The following FBXO36 variants were observed in gnomAD, a reference collection of about 807,000 sequenced individuals.
FBXO36 encodes the protein F-box protein 36.
Under a neutral mutation model 17.0 loss-of-function variants are expected in FBXO36, and 18 were observed. The ratio of observed to expected loss-of-function variants is 1.06; its 90% CI spans 0.73 to 1.57. FBXO36 has a LOEUF of 1.57. Ranked by LOEUF, FBXO36 falls within the 40% of genes most tolerant of loss-of-function variation. FBXO36 has a pLI of 0.00. For synonymous variants in FBXO36, 83 were observed against 85.3 expected (o/e 0.97, Z 0.15); for missense variants, 229 against 221.9 (o/e 1.03, Z -0.20).
intron 1 of FBXO36, among the ~76,000 whole-genome samples, chr2:229,952,633 C>A (rs1025966331): frequency 6.6e-6 from 1 of 152,118 alleles, no homozygotes; most frequent in Non-Finnish European, 1.5e-5. Context: ...TGCCTCGCAT[C>A]CCCAGCAGTT....
chr2:230,001,130 A>C (rs1490266812), intron 3 of FBXO36, among the ~76,000 whole-genome samples: 1 of 152,088 alleles, frequency 6.6e-6, no homozygotes, highest in African/African-American at 2.4e-5. Flanking sequence ...AAGTGTTGAG[A>C]TTACAGGCGT....
intron 2 of FBXO36, among the ~76,000 whole-genome samples, chr2:229,988,068 A>G (rs1272018451): frequency 3.3e-5 from 5 of 152,046 alleles, no homozygotes; most frequent in Non-Finnish European, 7.4e-5. Flanking sequence ...TCTAATTTCC[A>G]TTTTGATTTC....
intron 3 of FBXO36, among the ~76,000 whole-genome samples, chr2:229,997,169 CAA>C (rs530001418): frequency 1.6e-4 from 24 of 151,784 alleles, no homozygotes; most frequent in Non-Finnish European, 3.2e-4. Flanking sequence ...ATGCAAGGTA[CAA>C]AGAGAGTGCA....
At chr2:229,968,919 G>A (rs960062891) in intron 1 of FBXO36, among the ~76,000 whole-genome samples, 2 of 151,720 alleles carry the variant, frequency 1.3e-5, no homozygotes, top group African/African-American at 2.4e-5. Context: ...GATTACAGGC[G>A]TGCACCACCA....
chr2:230,001,389 G>A (rs569474371), intron 3 of FBXO36, among the ~76,000 whole-genome samples: 12 of 151,954 alleles, frequency 7.9e-5, no homozygotes, highest in Non-Finnish European at 1.5e-4. Flanking sequence ...CTGGGTTCAA[G>A]CAATTCTGCT....
intron 2 of FBXO36, among the ~76,000 whole-genome samples, chr2:229,994,855 C>G (rs1577360076): frequency 6.6e-6 from 1 of 152,284 alleles, no homozygotes; most frequent in African/African-American, 2.4e-5. Context: ...GTGGCTAATG[C>G]CTGTAATCCC....
chr2:229,984,538 G>A (rs80246792), intron 2 of FBXO36, among the ~76,000 whole-genome samples: 29,569 of 150,248 alleles, frequency 0.2, 3,275 homozygotes, highest in East Asian at 0.44. Flanking sequence ...ACAGGCGCCC[G>A]CCAGCAAGCC....
intron 1 of FBXO36, chr2:229,932,873 G>A (rs755282165): frequency 3.3e-5 from 11 of 331,650 alleles, no homozygotes; most frequent in South Asian, 1.8e-4. Flanking sequence ...TTGGAGACCA[G>A]CCTGACAAAC....
intron 1 of FBXO36, among the ~76,000 whole-genome samples, chr2:229,965,701 G>A (rs1218373229): frequency 1.3e-5 from 2 of 152,104 alleles, no homozygotes; most frequent in Non-Finnish European, 2.9e-5. Context: ...CAAAGGACAT[G>A]GACTCATCAT....
intron 1 of FBXO36, among the ~76,000 whole-genome samples, chr2:229,964,960 A>G (rs543746750): frequency 6.6e-6 from 1 of 152,288 alleles, no homozygotes; most frequent in South Asian, 2.1e-4. Flanking sequence ...TCTACTATAA[A>G]GGTCTTTGGA....
At chr2:229,966,874 G>T (rs1475073591) in intron 1 of FBXO36, among the ~76,000 whole-genome samples, 3 of 152,090 alleles carry the variant, frequency 2.0e-5, no homozygotes, top group Non-Finnish European at 2.9e-5. Context: ...GCTCTTTTTT[G>T]GTTCCATATG....
At position 229,937,220 on chromosome 2, in the gene FBXO36, C is replaced by T. The variant is rs187083814; in HGVS notation, c.96+14611C>T. Among the ~76,000 whole-genome samples the T allele has an allele frequency of 2.3e-4, 35 of 152,166 alleles. No individual in the cohort carries two copies. In the East Asian group the frequency reaches 5.2e-3, roughly 23 times the overall value. On this transcript the variant is annotated intron_variant, in intron 1 of 3. Coordinates refer to ENST00000283946, the MANE Select transcript of FBXO36 (RefSeq NM_174899.5). Reference sequence around the variant, plus strand: ...CTTAAAAACCAATAATTGGGCTGGGCGCGGTGGCTCACGCTTGTAATCCCA... The same window carrying T: ...CTTAAAAACCAATAATTGGGCTGGGTGCGGTGGCTCACGCTTGTAATCCCA...
intron 2 of FBXO36, among the ~76,000 whole-genome samples, chr2:229,981,479 G>A (rs2077239342): frequency 1.3e-5 from 2 of 151,938 alleles, no homozygotes; most frequent in South Asian, 4.2e-4. Flanking sequence ...CCAGGCTTAA[G>A]CGGATCACTT....
At chr2:230,002,365 T>C (rs910556620) in intron 3 of FBXO36, among the ~76,000 whole-genome samples, 4 of 151,924 alleles carry the variant, frequency 2.6e-5, no homozygotes, top group South Asian at 4.2e-4. Flanking sequence ...TCTCTGTTTT[T>C]TCCCCCCCGT....
At chr2:229,996,154 A>G (rs1390398073) in intron 2 of FBXO36, among the ~76,000 whole-genome samples, 8 of 152,022 alleles carry the variant, frequency 5.3e-5, no homozygotes, top group Admixed American at 6.6e-5. Flanking sequence ...GGCACACACC[A>G]ATAGTCCCAG....
Position 229,966,439 on chromosome 2 carries a change from A to C in FBXO36, c.97-9802A>C, listed in dbSNP as rs537022819. On this transcript the variant is annotated intron_variant, in intron 1 of 3. Coordinates refer to ENST00000283946, the MANE Select transcript of FBXO36 (RefSeq NM_174899.5). ...TTGCCATTGCTTTTCGTGTTTTAGAAATGAAGTCCTTGCCCATGCCTATGT... is the reference window on the plus strand; with the variant it reads ...TTGCCATTGCTTTTCGTGTTTTAGACATGAAGTCCTTGCCCATGCCTATGT... Among the ~76,000 whole-genome samples, 150 of 152,208 alleles carry C rather than the reference A, an allele frequency of 9.9e-4. 1 individual carries two copies. The East Asian group carries it at 0.01, about 10-fold the overall frequency.
intron 1 of FBXO36, among the ~76,000 whole-genome samples, chr2:229,953,803 T>C (rs2077069859): frequency 6.6e-6 from 1 of 152,192 alleles, no homozygotes; most frequent in Non-Finnish European, 1.5e-5. Flanking sequence ...TACCTTAGTA[T>C]AACAGTAAAA....
chr2:229,959,641 C>T (rs1335193072), intron 1 of FBXO36, among the ~76,000 whole-genome samples: 1 of 152,002 alleles, frequency 6.6e-6, no homozygotes, highest in Admixed American at 6.6e-5. Flanking sequence ...GTCAGGAGAT[C>T]GAGACCATCC....
At chr2:229,969,403 T>G (rs1039797502) in intron 1 of FBXO36, among the ~76,000 whole-genome samples, 1 of 149,902 alleles carries the variant, frequency 6.7e-6, no homozygotes, top group Admixed American at 6.6e-5. Flanking sequence ...AAAAAAAAAA[T>G]TCAGGCCAGG....
Sources: gnomAD v4.1 joint callset for allele counts (sites outside exome capture counted in the v4.1 genomes callset) on GRCh38, gnomAD v4.1.1 for gene constraint, MANE v1.5 for transcripts, NCBI Gene and HGNC (gene_info 2026-07-23, HGNC 2026-07-21) for gene names.